The following CCDC85A variants were observed in gnomAD, a reference collection of about 807,000 sequenced individuals.
The protein encoded by CCDC85A is coiled-coil domain containing 85A, also known as coiled-coil domain-containing protein 85A.
CCDC85A carries 38 observed loss-of-function variants against 50.2 expected under a neutral mutation model. The ratio of observed to expected loss-of-function variants is 0.76; its 90% CI spans 0.58 to 0.99. The LOEUF is 0.99. Among genes scored for constraint, CCDC85A ranks in the 50% least tolerant of loss-of-function variants. CCDC85A has a pLI of 0.00. For missense variants in CCDC85A, 820 were observed against 742.0 expected (o/e 1.11, Z -1.22); for synonymous variants, 366 against 301.4 (o/e 1.21, Z -2.22).
intron 2 of CCDC85A, among the ~76,000 whole-genome samples, chr2:56,212,476 T>C (rs1324783673): frequency 6.6e-6 from 1 of 152,026 alleles, no homozygotes; most frequent in Non-Finnish European, 1.5e-5. Context: ...CCTTTGGCTT[T>C]GTAGTTGACA....
chr2:56,259,234 T>C (rs1019384801), intron 2 of CCDC85A, among the ~76,000 whole-genome samples: 1 of 151,338 alleles, frequency 6.6e-6, no homozygotes, highest in African/African-American at 2.5e-5. Context: ...GTAAGGCTTG[T>C]TTTTTTATGG....
chr2:56,384,147 A>T, intron 5 of CCDC85A, 119 bp from the exon 6 acceptor site: 1 of 811,606 alleles, frequency 1.2e-6, no homozygotes, highest in East Asian at 2.6e-5. Context: ...ATTCATGTGG[A>T]TATTTTGTCT....
chr2:56,331,038 G>C (rs1173346346), intron 2 of CCDC85A, among the ~76,000 whole-genome samples: 2 of 151,584 alleles, frequency 1.3e-5, no homozygotes, highest in African/African-American at 4.9e-5. Flanking sequence ...ATAGAATACT[G>C]TTCAGCCTTA....
intron 2 of CCDC85A, among the ~76,000 whole-genome samples, chr2:56,217,716 A>C (rs1005050617): frequency 1.3e-5 from 2 of 151,878 alleles, no homozygotes; most frequent in African/African-American, 4.8e-5. Flanking sequence ...CAAAGTGCCC[A>C]AAATGTTGAT....
chr2:56,318,972 G>T (rs1483987568), intron 2 of CCDC85A, among the ~76,000 whole-genome samples: 1 of 152,078 alleles, frequency 6.6e-6, no homozygotes, highest in East Asian at 1.9e-4. Context: ...GTAGAAGATT[G>T]TGCACCAATG....
chr2:56,229,247 G>C (rs956280404), intron 2 of CCDC85A, among the ~76,000 whole-genome samples: 6 of 152,090 alleles, frequency 3.9e-5, no homozygotes, highest in African/African-American at 1.4e-4. Flanking sequence ...TACCATATTA[G>C]CTTATGAGGA....
At chr2:56,231,628 C>G (rs1056578804) in intron 2 of CCDC85A, among the ~76,000 whole-genome samples, 1 of 151,936 alleles carries the variant, frequency 6.6e-6, no homozygotes, top group African/African-American at 2.4e-5. Context: ...AACTGTAGAC[C>G]AAGGTTTTTT....
chr2:56,195,538 A>C (rs1183750455), intron 2 of CCDC85A, among the ~76,000 whole-genome samples: 1 of 152,232 alleles, frequency 6.6e-6, no homozygotes, highest in Non-Finnish European at 1.5e-5. Flanking sequence ...TTAATTGGAA[A>C]ATGAAGTGGC....
At chr2:56,254,576 T>A (rs761392822) in intron 2 of CCDC85A, among the ~76,000 whole-genome samples, 16 of 152,224 alleles carry the variant, frequency 1.1e-4, no homozygotes, top group Admixed American at 9.8e-4. Flanking sequence ...TTTCCGCTGT[T>A]CTAGACTGGG....
chr2:56,378,782 C>T (rs1676454063), intron 5 of CCDC85A, among the ~76,000 whole-genome samples: 1 of 152,144 alleles, frequency 6.6e-6, no homozygotes, highest in African/African-American at 2.4e-5. Context: ...TGTAAATTCA[C>T]AGGTAGCAGA....
intron 2 of CCDC85A, among the ~76,000 whole-genome samples, chr2:56,314,795 T>G (rs2104238506): frequency 6.6e-6 from 1 of 152,260 alleles, no homozygotes; most frequent in Non-Finnish European, 1.5e-5. Flanking sequence ...TTCCCACAAC[T>G]TTAACTTGGT....
intron 3 of CCDC85A, among the ~76,000 whole-genome samples, chr2:56,365,576 G>A (rs1451372055): frequency 3.9e-5 from 6 of 152,028 alleles, no homozygotes; most frequent in Non-Finnish European, 8.8e-5. Flanking sequence ...AAATCACTCT[G>A]GGGTATAAAT....
At chr2:56,368,498 C>G (rs1675915712) in intron 3 of CCDC85A, among the ~76,000 whole-genome samples, 1 of 152,082 alleles carries the variant, frequency 6.6e-6, no homozygotes, top group Admixed American at 6.6e-5. Flanking sequence ...TAAGGGAAAA[C>G]TGAATTTATC....
intron 2 of CCDC85A, among the ~76,000 whole-genome samples, chr2:56,243,538 T>C (rs190877800): frequency 2.0e-5 from 3 of 152,330 alleles, no homozygotes; most frequent in African/African-American, 7.2e-5. Context: ...GAATTACCTT[T>C]CTGTGTTATC....
At chr2:56,187,757 G>C (rs547879710) in intron 1 of CCDC85A, among the ~76,000 whole-genome samples, 1 of 152,182 alleles carries the variant, frequency 6.6e-6, no homozygotes, top group East Asian at 1.9e-4. Context: ...GGTCCTGGAA[G>C]GGGTGGATGA....
intron 2 of CCDC85A, among the ~76,000 whole-genome samples, chr2:56,209,934 G>A (rs1435295402): frequency 1.3e-5 from 2 of 151,954 alleles, no homozygotes; most frequent in Non-Finnish European, 2.9e-5. Context: ...TGTTGCCATC[G>A]TCATGACTTT....
intron 1 of CCDC85A, among the ~76,000 whole-genome samples, chr2:56,186,327 A>C (rs1290577065): frequency 6.6e-6 from 1 of 152,184 alleles, no homozygotes; most frequent in African/African-American, 2.4e-5. Context: ...TAGAAACCTC[A>C]TTTGCCAGGA....
chr2:56,334,403 G>A (rs1381306817), intron 2 of CCDC85A, among the ~76,000 whole-genome samples: 1 of 152,174 alleles, frequency 6.6e-6, no homozygotes, highest in South Asian at 2.1e-4. Context: ...TTGAGGGTTA[G>A]TGAAATATTT....
At chr2:56,332,027 G>A (rs1362832514) in intron 2 of CCDC85A, among the ~76,000 whole-genome samples, 1 of 152,176 alleles carries the variant, frequency 6.6e-6, no homozygotes, top group East Asian at 1.9e-4. Context: ...GCACACAGCT[G>A]TGCCTGCTCC....
Sources: gnomAD v4.1 joint callset for allele counts (sites outside exome capture counted in the v4.1 genomes callset) on GRCh38, gnomAD v4.1.1 for gene constraint, MANE v1.5 for transcripts, NCBI Gene and HGNC (gene_info 2026-07-23, HGNC 2026-07-21) for gene names.